The following EXOC6B variants were observed in gnomAD, a reference collection of about 807,000 sequenced individuals.
The protein encoded by EXOC6B is SEC15 homolog B.
Under a neutral mutation model 113.5 loss-of-function variants are expected in EXOC6B, and 54 were observed. The observed-to-expected ratio is 0.48, with a 90% CI of 0.38 to 0.60. EXOC6B has a LOEUF of 0.60. Among genes scored for constraint, EXOC6B ranks in the 20% least tolerant of loss-of-function variants. The probability of loss-of-function intolerance (pLI) is 0.00; values close to 1 mark genes in which losing one functional copy is unlikely to be tolerated. For synonymous variants in EXOC6B, 357 were observed against 339.0 expected (o/e 1.05, Z -0.58); for missense variants, 797 against 977.5 (o/e 0.82, Z 2.46).
At chr2:72,182,106 T>TA (rs1450025614) in intron 21 of EXOC6B, among the ~76,000 whole-genome samples, 1 of 152,162 alleles carries the variant, frequency 6.6e-6, no homozygotes, top group Non-Finnish European at 1.5e-5. Context: ...GGCTGGGAGA[T>TA]ACGGATTGTA....
chr2:72,313,392 T>G (rs952748361), intron 20 of EXOC6B, among the ~76,000 whole-genome samples: 1 of 152,154 alleles, frequency 6.6e-6, no homozygotes, highest in African/African-American at 2.4e-5. Context: ...TTAAAAAAAT[T>G]CATTACTTAT....
intron 6 of EXOC6B, among the ~76,000 whole-genome samples, chr2:72,694,067 T>C (rs1677692254): frequency 6.6e-6 from 1 of 152,212 alleles, no homozygotes; most frequent in Non-Finnish European, 1.5e-5. Context: ...CATATTTCTT[T>C]CTAAAAGAAT....
chr2:72,432,826 T>C (rs976577684), intron 18 of EXOC6B, among the ~76,000 whole-genome samples: 4 of 152,190 alleles, frequency 2.6e-5, no homozygotes, highest in African/African-American at 9.7e-5. Context: ...GTCAGACGGA[T>C]AAATTGCAAA....
intron 6 of EXOC6B, among the ~76,000 whole-genome samples, chr2:72,702,047 A>C (rs1429162055): frequency 6.6e-6 from 1 of 151,242 alleles, no homozygotes. Context: ...TATTAGGTAT[A>C]TCTCCCGATG....
chr2:72,504,549 A>G (rs1375271657), intron 11 of EXOC6B, among the ~76,000 whole-genome samples: 1 of 152,136 alleles, frequency 6.6e-6, no homozygotes, highest in African/African-American at 2.4e-5. Flanking sequence ...CTATTTTACT[A>G]CTGATGGACA....
intron 6 of EXOC6B, among the ~76,000 whole-genome samples, chr2:72,695,370 C>A (rs1677799078): frequency 1.3e-5 from 2 of 152,174 alleles, no homozygotes; most frequent in Non-Finnish European, 2.9e-5. Context: ...CAACTGTGAA[C>A]TGGGCTGCGT....
At chr2:72,814,294 C>T (rs1432439113) in intron 1 of EXOC6B, among the ~76,000 whole-genome samples, 4 of 152,146 alleles carry the variant, frequency 2.6e-5, no homozygotes, top group Non-Finnish European at 5.9e-5. Context: ...ACACTGGAAG[C>T]GTCTAAATAC....
At chr2:72,799,239 C>CAAAAAAAAAAA (rs956224881) in intron 1 of EXOC6B, among the ~76,000 whole-genome samples, 1 of 41,318 alleles carries the variant, frequency 2.4e-5, no homozygotes, top group African/African-American at 1.2e-4. Context: ...GACCCTGTCT[C>CAAAAAAAAAAA]AAAAAAAAAA....
intron 1 of EXOC6B, among the ~76,000 whole-genome samples, chr2:72,812,109 C>T (rs1478322305): frequency 1.3e-5 from 2 of 152,110 alleles, no homozygotes; most frequent in Non-Finnish European, 2.9e-5. Flanking sequence ...TTGCAGATAA[C>T]ACTATTGTTT....
At chr2:72,585,026 T>C (rs1705463768) in intron 6 of EXOC6B, among the ~76,000 whole-genome samples, 1 of 152,076 alleles carries the variant, frequency 6.6e-6, no homozygotes, top group South Asian at 2.1e-4. Context: ...AGAGGAAAGT[T>C]TATAGCCCTA....
At chr2:72,498,433 T>C in intron 13 of EXOC6B, 21 bp downstream of exon 13, 1 of 1,545,984 alleles carries the variant, frequency 6.5e-7, no homozygotes, top group Non-Finnish European at 8.9e-7. Context: ...CACACACATA[T>C]GACTATAGAT....
rs755044954 is a variant in EXOC6B, at chr2:72,621,293, G to GTA, written c.670-45627_670-45626dup. Among the ~76,000 whole-genome samples the GTA allele has an allele frequency of 3.1e-3, 478 of 152,082 alleles. 2 individuals are homozygous for GTA. The highest frequency in any genetic ancestry group is 8.6e-3 in the African/African-American group (355 of 41,480). ...TTGTGGACTGGATAAAGAAAATGTG[G>GTA]TATATATATATCATGGAATACTATG... On this transcript the variant is annotated intron_variant, in intron 6 of 21. Transcript: ENST00000272427.
intron 10 of EXOC6B, among the ~76,000 whole-genome samples, chr2:72,514,009 A>C (rs1407497366): frequency 6.6e-6 from 1 of 152,170 alleles, no homozygotes; most frequent in Admixed American, 6.5e-5. Flanking sequence ...TTATTTTGCA[A>C]TTAGAACAAG....
intron 12 of EXOC6B, among the ~76,000 whole-genome samples, chr2:72,499,200 C>T (rs1306210312): frequency 6.6e-6 from 1 of 150,436 alleles, no homozygotes; most frequent in Non-Finnish European, 1.5e-5. Context: ...CAACTTAAAA[C>T]TAACAGGTAA....
chr2:72,239,240 G>A (rs1024302792), intron 20 of EXOC6B, among the ~76,000 whole-genome samples: 4 of 152,138 alleles, frequency 2.6e-5, no homozygotes, highest in African/African-American at 7.2e-5. Flanking sequence ...TTTCGAGTGT[G>A]TGTTTATACG....
At chr2:72,560,788 A>T (rs923857023) in intron 7 of EXOC6B, among the ~76,000 whole-genome samples, 2 of 152,028 alleles carry the variant, frequency 1.3e-5, no homozygotes, top group Non-Finnish European at 2.9e-5. Flanking sequence ...GAATCTAAAA[A>T]CTGATAGTAA....
intron 17 of EXOC6B, among the ~76,000 whole-genome samples, chr2:72,478,911 A>C (rs764868161): frequency 6.0e-4 from 92 of 152,222 alleles, no homozygotes; most frequent in Non-Finnish European, 1.2e-3. Context: ...GCTTTCACAG[A>C]AGAGCAAGTA....
intron 18 of EXOC6B, among the ~76,000 whole-genome samples, chr2:72,425,395 A>G (rs1348424478): frequency 2.0e-5 from 3 of 152,204 alleles, no homozygotes; most frequent in Admixed American, 6.5e-5. Flanking sequence ...GCCAGTTACA[A>G]CTACATGTTA....
At chr2:72,689,728 G>C (rs1045622302) in intron 6 of EXOC6B, among the ~76,000 whole-genome samples, 6 of 152,292 alleles carry the variant, frequency 3.9e-5, no homozygotes, top group African/African-American at 9.6e-5. Flanking sequence ...CCACGTCCCA[G>C]TTTAAGTATG....
Sources: gnomAD v4.1 joint callset for allele counts (sites outside exome capture counted in the v4.1 genomes callset) on GRCh38, gnomAD v4.1.1 for gene constraint, MANE v1.5 for transcripts, NCBI Gene and HGNC (gene_info 2026-07-23, HGNC 2026-07-21) for gene names.